Variants in GALC observed in about 807,000 individuals in gnomAD.
GALC encodes the protein galactosylceramidase, also known as galactocerebrosidase.
In GALC, 77 loss-of-function variants were observed where a neutral mutation model predicts 91.8. The observed-to-expected ratio is 0.84, with a 90% CI of 0.70 to 1.01. The LOEUF is 1.01. Ranked by LOEUF, GALC falls within the 50% of genes least tolerant of loss-of-function variation. GALC has a pLI of 0.00. For synonymous variants in GALC, 357 were observed against 306.7 expected (o/e 1.16, Z -1.71); for missense variants, 882 against 855.9 (o/e 1.03, Z -0.38).
At chr14:87,988,379 A>G in intron 2 of GALC, 76 bp downstream of exon 2, 1 of 1,278,566 alleles carries the variant, frequency 7.8e-7, no homozygotes, top group South Asian at 1.2e-5. Flanking sequence ...TGTGAGGCTA[A>G]TAAATTCTAT....
intron 10 of GALC, chr14:87,963,155 C>T (rs1885881152): frequency 4.1e-6 from 2 of 487,066 alleles, no homozygotes; most frequent in Non-Finnish European, 7.4e-6. Context: ...TCCCAACTGC[C>T]AGGAACAAAG....
chr14:87,955,375 T>C (rs1191669026), intron 10 of GALC, among the ~76,000 whole-genome samples: 1 of 152,134 alleles, frequency 6.6e-6, no homozygotes, highest in Non-Finnish European at 1.5e-5. Flanking sequence ...TTAAAAAGAT[T>C]ATTTTTGTTT....
At chr14:87,961,451 A>G (rs1885798345) in intron 10 of GALC, among the ~76,000 whole-genome samples, 1 of 152,126 alleles carries the variant, frequency 6.6e-6, no homozygotes, top group Non-Finnish European at 1.5e-5. Context: ...CAGCAATTCC[A>G]CTCCTACATA....
Position 87,934,839 on chromosome 14 carries a change from A to G in GALC, c.1951T>C (p.Trp651Arg). 3 of 1,612,878 alleles carry G rather than the reference A, an allele frequency of 1.9e-6. No homozygotes were observed. Among genetic ancestry groups the G allele is most frequent in the Non-Finnish European group, 2.5e-6 (3 of 1,179,152 alleles). The part of the protein sequence containing the change: ...TSGMLNDKSL[W>R]TDIPVNFPKN... ...GGAAAATTCACAGGGATGTCTGTCC[A>G]CAGAGACTTGTCATTCAGCATGCCA... Residue 651 changes from tryptophan (W) to arginine (R), a missense_variant, in exon 17 of 17, where the codon TGG becomes CGG. Physicochemically the swap from Trp to Arg is moderately radical, Grantham distance 101. Coordinates refer to ENST00000261304, the MANE Select transcript of GALC (RefSeq NM_000153.4).
At chr14:87,984,618 AAGCATTCAACT>A in intron 4 of GALC, 85 bp from the exon 5 acceptor site, 1 of 1,429,866 alleles carries the variant, frequency 7.0e-7, no homozygotes, top group Non-Finnish European at 9.7e-7. Flanking sequence ...TTTTTAAGAA[AAGCATTCAACT>A]AGCAAAAAAC....
Position 87,934,170 on chromosome 14 carries a change from C to A in GALC, c.*562G>T. 7.1e-7 allele frequency: 1 copy of A among 1,401,614 alleles called. No individual in the cohort carries two copies. Among genetic ancestry groups the A allele is most frequent in the Non-Finnish European group, 9.2e-7 (1 of 1,081,406 alleles). The allele number at this position is 1,401,614 out of a possible 1,614,324, so 86.8% of individuals were successfully genotyped here. On this transcript the variant is annotated 3_prime_UTR_variant, in exon 17 of 17. Coordinates refer to ENST00000261304, the MANE Select transcript of GALC (RefSeq NM_000153.4). ...TTTAAAATCATCCCACTCATCATAT[C>A]CTGCATTTCAAAAGTATCATCTTAA...
chr14:87,977,058 A>C (rs907864163), intron 6 of GALC, among the ~76,000 whole-genome samples: 5 of 151,446 alleles, frequency 3.3e-5, no homozygotes, highest in African/African-American at 1.2e-4. Flanking sequence ...AAACAAAAAT[A>C]ATCAAATGGT....
chr14:87,979,776 G>A (rs2140023513), intron 6 of GALC, among the ~76,000 whole-genome samples: 1 of 152,314 alleles, frequency 6.6e-6, no homozygotes, highest in East Asian at 1.9e-4. Flanking sequence ...TCACTATGAA[G>A]ATGCTGTAGC....
intron 10 of GALC, chr14:87,953,331 C>T (rs776237215): frequency 1.3e-5 from 19 of 1,433,216 alleles, no homozygotes; most frequent in Middle Eastern, 2.5e-4. Flanking sequence ...AGGCAAGTTA[C>T]GGGAAGATAA....
chr14:87,934,913 AT>A, intron 16 of GALC, 35 bp from the exon 17 acceptor site: 1 of 1,474,452 alleles, frequency 6.8e-7, no homozygotes, highest in African/African-American at 1.4e-5. Context: ...TTGAAACCAT[AT>A]GAAAATGGTC....
chr14:87,986,859 G>A, intron 3 of GALC: 1 of 497,512 alleles, frequency 2.0e-6, no homozygotes, highest in Non-Finnish European at 3.7e-6. Flanking sequence ...GCAGTACTGA[G>A]AGAAATGTTA....
intron 6 of GALC, among the ~76,000 whole-genome samples, chr14:87,979,950 C>T (rs1886666239): frequency 6.6e-6 from 1 of 152,120 alleles, no homozygotes; most frequent in Admixed American, 6.5e-5. Flanking sequence ...GCCCCACCTC[C>T]CCCACCCAAT....
intron 6 of GALC, chr14:87,980,793 C>T (rs1886707639): frequency 6.6e-6 from 1 of 152,218 alleles, no homozygotes; most frequent in Non-Finnish European, 1.5e-5. Context: ...AAACAGTATT[C>T]TCTATCCTTA....
rs1884485273 is a variant in GALC, at chr14:87,934,473, G to C, written c.*259C>G. The C allele has an allele frequency of 7.3e-6, 10 of 1,370,148 alleles. No individual in the cohort carries two copies. The highest frequency in any genetic ancestry group is 9.4e-6 in the Non-Finnish European group (10 of 1,061,644). 84.9% of individuals were successfully genotyped at this position (1,370,148 alleles called of 1,614,324 possible). A position where few individuals can be genotyped will look rare whatever the true frequency, so the allele number is the denominator to read the frequency against. On this transcript the variant is annotated 3_prime_UTR_variant, in exon 17 of 17. Transcript: ENST00000261304. The stretch of plus-strand genomic sequence containing the variant: ...TCTGTACTACTCAAACCACTCCTAA[G>C]GGTATGGCCAATGCACAGTTTGAAT...
At chr14:87,937,974 G>A (rs1840457428) in intron 16 of GALC, among the ~76,000 whole-genome samples, 1 of 151,464 alleles carries the variant, frequency 6.6e-6, no homozygotes, top group Admixed American at 6.6e-5. Flanking sequence ...TAAATTTAAT[G>A]TAATACCAGC....
At chr14:87,980,636 G>T in intron 6 of GALC, 1 of 245,068 alleles carries the variant, frequency 4.1e-6, no homozygotes, top group Non-Finnish European at 6.5e-6. Context: ...AACCCAGGGA[G>T]AGGTGTCATC....
chr14:87,942,889 C>G (rs1884917737), intron 14 of GALC, among the ~76,000 whole-genome samples: 1 of 152,006 alleles, frequency 6.6e-6, no homozygotes, highest in Admixed American at 6.6e-5. Context: ...AGGGAGTTTT[C>G]TCTCCATAGA....
rs145636957 is a variant in GALC, at chr14:87,983,089, C to T, written c.583-846G>A. On this transcript the variant is annotated intron_variant, in intron 5 of 16. Coordinates refer to ENST00000261304, the MANE Select transcript of GALC (RefSeq NM_000153.4). Reference sequence around the variant, plus strand: ...GCGTGGTGGCTCATTCCTGTAATCCCAGCACTTTGGGAGGCCGAGGCGGGC... The same window carrying T: ...GCGTGGTGGCTCATTCCTGTAATCCTAGCACTTTGGGAGGCCGAGGCGGGC... 3.2e-4 allele frequency among the ~76,000 whole-genome samples: 48 copies of T among 152,226 alleles called. No homozygotes were observed. In the South Asian group the frequency reaches 6.8e-3, roughly 22 times the overall value.
intron 3 of GALC, 73 bp from the exon 4 acceptor site, chr14:87,986,675 C>T (rs1886989289): frequency 4.7e-6 from 4 of 849,928 alleles, no homozygotes; most frequent in East Asian, 2.5e-5. Context: ...CACTCCCCAC[C>T]CCCACCCCAG....
Sources: allele counts gnomAD v4.1 joint callset (sites outside exome capture counted in the v4.1 genomes callset), GRCh38; gene constraint gnomAD v4.1.1; transcripts MANE v1.5; gene names NCBI Gene and HGNC (gene_info 2026-07-23, HGNC 2026-07-21).